Variants in EIF2S2 observed in about 807,000 individuals in gnomAD.
EIF2S2 encodes the protein eukaryotic translation initiation factor 2 subunit 2.
EIF2S2 carries 4 observed loss-of-function variants against 44.0 expected under a neutral mutation model. That is an observed-to-expected ratio of 0.09 (90% CI 0.04 to 0.21). The LOEUF is 0.21. Ranked by LOEUF, EIF2S2 falls within the 10% of genes least tolerant of loss-of-function variation. EIF2S2 has a pLI of 1.00. For synonymous variants in EIF2S2, 108 were observed against 128.3 expected (o/e 0.84, Z 1.07); for missense variants, 154 against 392.0 (o/e 0.39, Z 5.13).
chr20:34,104,037 T>TGGTA (rs1409946566), intron 2 of EIF2S2, among the ~76,000 whole-genome samples: 1 of 152,110 alleles, frequency 6.6e-6, no homozygotes, highest in Admixed American at 6.6e-5. Flanking sequence ...AAAAACAAAA[T>TGGTA]GGTAGGTCAT....
intron 6 of EIF2S2, among the ~76,000 whole-genome samples, chr20:34,094,024 A>T (rs2034199159): frequency 6.6e-6 from 1 of 152,112 alleles, no homozygotes; most frequent in Non-Finnish European, 1.5e-5. Context: ...CCAAGTAGCT[A>T]GGACTACAGG....
chr20:34,099,366 A>G (rs1325504826), intron 3 of EIF2S2, among the ~76,000 whole-genome samples: 1 of 152,188 alleles, frequency 6.6e-6, no homozygotes. Flanking sequence ...TCAAAGAAAA[A>G]AAAAAAAAAG....
In EIF2S2 at chr20:34,088,980, G is replaced by C. The variant is rs1396014384; in HGVS notation, c.*750C>G. ...CACACATCGCTTCCTCACCAAGAGA[G>C]ATGCTCAACTAGGATCTTTTTTAGT... is the stretch of plus-strand genomic sequence containing the variant. On this transcript the variant is annotated 3_prime_UTR_variant, in exon 9 of 9. Coordinates refer to ENST00000374980, the MANE Select transcript of EIF2S2 (RefSeq NM_003908.5). 1.3e-5 allele frequency: 2 copies of C among 152,568 alleles called. No individual in the cohort carries two copies. Among genetic ancestry groups the C allele is most frequent in the African/African-American group, 4.8e-5 (2 of 41,424 alleles). 9.5% of individuals were successfully genotyped at this position (152,568 alleles called of 1,614,324 possible).
intron 6 of EIF2S2, among the ~76,000 whole-genome samples, chr20:34,095,310 CTTT>C (rs148341160): frequency 0.017 from 2,072 of 123,874 alleles, 21 homozygotes; most frequent in Middle Eastern, 0.031. Flanking sequence ...TTAGCTACCT[CTTT>C]TTTTTTTTTT....
intron 3 of EIF2S2, among the ~76,000 whole-genome samples, chr20:34,101,029 A>G (rs1385317192): frequency 2.0e-5 from 3 of 152,212 alleles, no homozygotes; most frequent in Non-Finnish European, 4.4e-5. Context: ...ACCTGGGACA[A>G]TGGCTACAGT....
In EIF2S2 at chr20:34,105,454, G is replaced by T. The variant is rs200434210; in HGVS notation, c.107C>A (p.Thr36Asn). 248 of 1,614,046 alleles carry T rather than the reference G, an allele frequency of 1.5e-4. 1 individual carries two copies. In the Admixed American group the frequency reaches 3.4e-3, roughly 22 times the overall value. ...CACTTCTTTTGTTTCTGAAGGCTGG[G>T]TTTCCTCTGTTTGGGTATCCCCTTC... ...DEEGDTQTEE[T>N]QPSETKEVEP... Residue 36 changes from threonine (T) to asparagine (N), a missense_variant, in exon 2 of 9, where the codon ACC becomes AAC. Physicochemically the swap from Thr to Asn is moderately conservative, Grantham distance 65. Transcript: ENST00000374980.
At chr20:34,100,084 G>A (rs6120518) in intron 3 of EIF2S2, among the ~76,000 whole-genome samples, 1 of 152,012 alleles carries the variant, frequency 6.6e-6, no homozygotes, top group Admixed American at 6.6e-5. Flanking sequence ...GCATGATCTC[G>A]GCTCACTGCA....
At chr20:34,098,314 C>G (rs940995131) in intron 4 of EIF2S2, among the ~76,000 whole-genome samples, 184 bp downstream of exon 4, 4 of 151,800 alleles carry the variant, frequency 2.6e-5, no homozygotes, top group African/African-American at 9.7e-5. Context: ...TTAATGTAAT[C>G]ACAGTTAACA....
intron 6 of EIF2S2, among the ~76,000 whole-genome samples, chr20:34,094,799 T>C (rs1568713100): frequency 6.6e-6 from 1 of 152,150 alleles, no homozygotes; most frequent in Non-Finnish European, 1.5e-5. Context: ...TTTAAATCTA[T>C]ACTGTGGCAC....
intron 1 of EIF2S2, among the ~76,000 whole-genome samples, chr20:34,105,837 T>A (rs1236425519): frequency 6.6e-6 from 1 of 152,204 alleles, no homozygotes; most frequent in African/African-American, 2.4e-5. Flanking sequence ...TCATGGAATT[T>A]AGGGAAGGGA....
At chr20:34,102,387 T>C (rs1024948309) in intron 3 of EIF2S2, among the ~76,000 whole-genome samples, 6 of 152,306 alleles carry the variant, frequency 3.9e-5, no homozygotes, top group Admixed American at 2.0e-4. Context: ...TTCTCAAGGA[T>C]TCTAAATTAT....
chr20:34,095,155 T>C (rs1287024169), intron 6 of EIF2S2, among the ~76,000 whole-genome samples: 1 of 152,230 alleles, frequency 6.6e-6, no homozygotes, highest in African/African-American at 2.4e-5. Flanking sequence ...TGTGTAGCTA[T>C]TTAAAACACT....
chr20:34,095,006 C>A (rs1277706660), intron 6 of EIF2S2, among the ~76,000 whole-genome samples: 1 of 152,206 alleles, frequency 6.6e-6, no homozygotes, highest in Admixed American at 6.5e-5. Flanking sequence ...CCTTTTAACT[C>A]AGCAATTTCA....
chr20:34,097,287 T>C (rs2034240056), intron 5 of EIF2S2, 129 bp downstream of exon 5: 2 of 769,002 alleles, frequency 2.6e-6, no homozygotes, highest in Admixed American at 2.7e-5. Flanking sequence ...GTGCACTGGC[T>C]GTGTGACCTC....
chr20:34,100,907 C>A (rs2034287818), intron 3 of EIF2S2, among the ~76,000 whole-genome samples: 1 of 152,176 alleles, frequency 6.6e-6, no homozygotes, highest in Admixed American at 6.5e-5. Context: ...GTCTCAGTTT[C>A]CAGCTTTCTG....
intron 8 of EIF2S2, among the ~76,000 whole-genome samples, 165 bp downstream of exon 8, chr20:34,090,352 C>T (rs1384360034): frequency 1.3e-5 from 2 of 152,206 alleles, no homozygotes; most frequent in Non-Finnish European, 2.9e-5. Context: ...CTATCTATAC[C>T]CCTAGTTAGT....
intron 6 of EIF2S2, among the ~76,000 whole-genome samples, chr20:34,096,282 C>T (rs913794575): frequency 1.3e-5 from 2 of 150,774 alleles, no homozygotes; most frequent in Middle Eastern, 3.2e-3. Context: ...GCAAGACCCA[C>T]GTTTCTACAA....
chr20:34,096,114 GC>G (rs775682948), intron 6 of EIF2S2, among the ~76,000 whole-genome samples: 1 of 152,080 alleles, frequency 6.6e-6, no homozygotes, highest in Non-Finnish European at 1.5e-5. Context: ...CAACTGATGA[GC>G]CTTTCCACTC....
intron 6 of EIF2S2, among the ~76,000 whole-genome samples, chr20:34,096,233 C>G (rs538325257): frequency 3.9e-5 from 6 of 151,976 alleles, no homozygotes; most frequent in African/African-American, 1.4e-4. Context: ...TCTCTCACCT[C>G]TGAATGCACT....
Sources: allele counts gnomAD v4.1 joint callset (sites outside exome capture counted in the v4.1 genomes callset), GRCh38; gene constraint gnomAD v4.1.1; transcripts MANE v1.5; gene names NCBI Gene and HGNC (gene_info 2026-07-23, HGNC 2026-07-21).